Variants in FOXP4 observed in about 807,000 individuals in gnomAD.
The protein encoded by FOXP4 is forkhead box protein P4.
FOXP4 carries 25 observed loss-of-function variants against 82.6 expected under a neutral mutation model. The ratio of observed to expected loss-of-function variants is 0.30; its 90% CI spans 0.22 to 0.42. The LOEUF (loss-of-function observed/expected upper bound fraction) is 0.42, where lower values mean the gene tolerates loss of function less well. Ranked by LOEUF, FOXP4 falls within the 10% of genes least tolerant of loss-of-function variation. FOXP4 has a pLI of 1.00. For synonymous variants in FOXP4, 415 were observed against 388.2 expected, an observed-to-expected ratio of 1.07 and a Z score of -0.81; for missense variants, 785 against 900.9, an observed-to-expected ratio of 0.87 and a Z score of 1.65.
At position 41,594,719 on chromosome 6, in the gene FOXP4, G is replaced by A. The variant is rs1197454922; in HGVS notation, c.1537-151G>A. 2.6e-5 allele frequency: 31 copies of A among 1,197,576 alleles called. No homozygotes were observed. The Admixed American group carries it at 5.3e-4, about 21-fold the overall frequency. 74.2% of individuals were successfully genotyped at this position (1,197,576 alleles called of 1,614,324 possible). A position where few individuals can be genotyped will look rare whatever the true frequency, so the allele number is the denominator to read the frequency against. ...TAGGGGCCCGCCTTCCCTTTGGCTG[G>A]GTCTCCTCCCAGCCCACCCCCCTCC... On this transcript the variant is annotated intron_variant, in intron 13 of 16. Transcript: ENST00000307972.
intron 13 of FOXP4, among the ~76,000 whole-genome samples, chr6:41,594,651 T>C (rs1301629275): frequency 6.6e-6 from 1 of 152,148 alleles, no homozygotes; most frequent in East Asian, 1.9e-4. Flanking sequence ...AAATGGGTCA[T>C]CCATGGTGAA....
intron 13 of FOXP4, among the ~76,000 whole-genome samples, chr6:41,592,111 CG>C (rs1287377162): frequency 6.6e-6 from 1 of 152,016 alleles, no homozygotes; most frequent in Non-Finnish European, 1.5e-5. Flanking sequence ...AGGTTAGACG[CG>C]GGGAAGGACT....
At chr6:41,597,295 C>G in intron 15 of FOXP4, 53 bp downstream of exon 15, 2 of 1,580,752 alleles carry the variant, frequency 1.3e-6, no homozygotes, top group South Asian at 2.2e-5. Flanking sequence ...CCCTTGCTTT[C>G]TCATACAAGA....
chr6:41,590,005 GTC>G lies in FOXP4; in HGVS notation c.1196_1197del (p.Ser399CysfsTer45). The stretch of plus-strand genomic sequence containing the variant: ...CTCCTCCTCATTCTCCAAGGTGACC[GTC>G]TCTGCAGCAGACTCATTCCCAGATG... ...PGSSSFSKVT[V>X]SAADSFPDGL... is the part of the protein sequence containing the mutation. On this transcript the variant is annotated frameshift_variant, in exon 11 of 17. Transcript: ENST00000307972. LOFTEE classifies it high-confidence loss of function. 6.2e-7 allele frequency: 1 copy of G among 1,613,920 alleles called. No homozygotes were observed. The highest frequency in any genetic ancestry group is 8.5e-7 in the Non-Finnish European group (1 of 1,179,978).
intron 14 of FOXP4, among the ~76,000 whole-genome samples, chr6:41,596,184 T>C (rs1163992775): frequency 6.6e-6 from 1 of 152,172 alleles, no homozygotes; most frequent in Non-Finnish European, 1.5e-5. Context: ...AGGCGTGAGC[T>C]ACCGCACCTA....
At chr6:41,583,973 T>C (rs1299545555) in intron 3 of FOXP4, among the ~76,000 whole-genome samples, 1 of 152,226 alleles carries the variant, frequency 6.6e-6, no homozygotes, top group Non-Finnish European at 1.5e-5. Context: ...TTATGTTTTA[T>C]GTTTGAGGAA....
In FOXP4 at chr6:41,574,899, C is replaced by A. The variant is rs184587282; in HGVS notation, c.205-3087C>A. ...CCAGGTAGAAGAAAGCCTTCTCTGA[C>A]CCCTGGCACTCACCCCCACTTCAGG... On this transcript the variant is annotated intron_variant, in intron 2 of 16. Coordinates refer to ENST00000307972, the MANE Select transcript of FOXP4 (RefSeq NM_001012426.2). Among the ~76,000 whole-genome samples, 9 of 152,310 alleles carry A rather than the reference C, an allele frequency of 5.9e-5. No individual in the cohort carries two copies. The East Asian group carries it at 1.7e-3, about 29-fold the overall frequency.
At chr6:41,596,171 T>G (rs942295488) in intron 14 of FOXP4, among the ~76,000 whole-genome samples, 3 of 152,222 alleles carry the variant, frequency 2.0e-5, no homozygotes, top group Non-Finnish European at 4.4e-5. Context: ...ATGCTGGGAT[T>G]ACAGGCGTGA....
intron 4 of FOXP4, 75 bp from the exon 5 acceptor site, chr6:41,585,356 A>T (rs1383509029): frequency 4.8e-6 from 7 of 1,448,580 alleles, no homozygotes; most frequent in Non-Finnish European, 6.6e-6. Context: ...TGCCCCCAGG[A>T]GCCCAGATGG....
rs1763613769 is a variant in FOXP4 at position 41,546,398 on chromosome 6, A to C, written c.-486A>C. The stretch of plus-strand genomic sequence containing the variant: ...TCGCAGCCACTCGCAGCCCAGGCTC[A>C]GTCGCAGCCCCTCGGAGTCCGGAGC... On this transcript the variant is annotated 5_prime_UTR_variant, in exon 1 of 17. Transcript: ENST00000307972. The C allele has an allele frequency of 6.6e-6, 1 of 151,062 alleles. No individual in the cohort carries two copies. The highest frequency in any genetic ancestry group is 1.5e-5 in the Non-Finnish European group (1 of 67,438). 9.4% of individuals were successfully genotyped at this position (151,062 alleles called of 1,614,324 possible).
At chr6:41,569,704 C>G (rs185411388) in intron 2 of FOXP4, among the ~76,000 whole-genome samples, 2 of 152,272 alleles carry the variant, frequency 1.3e-5, no homozygotes, top group East Asian at 3.9e-4. Flanking sequence ...CGTCCTGGGC[C>G]TCTGGAGTGC....
chr6:41,556,711 A>G (rs953510842), intron 1 of FOXP4, among the ~76,000 whole-genome samples: 6 of 152,152 alleles, frequency 3.9e-5, no homozygotes, highest in African/African-American at 7.2e-5. Flanking sequence ...GCCACCTCCT[A>G]CAGAAAGCCT....
At chr6:41,590,477 G>T in intron 12 of FOXP4, 130 bp downstream of exon 12, 1 of 955,650 alleles carries the variant, frequency 1.0e-6, no homozygotes, top group East Asian at 2.5e-5. Flanking sequence ...CTCACGTGGC[G>T]GTCTTCCCTC....
intron 14 of FOXP4, among the ~76,000 whole-genome samples, chr6:41,596,235 G>T (rs142598734): frequency 6.6e-6 from 1 of 152,214 alleles, no homozygotes; most frequent in African/African-American, 2.4e-5. Context: ...AGGAGCCTGG[G>T]ACAGGGTCAG....
intron 2 of FOXP4, among the ~76,000 whole-genome samples, chr6:41,566,807 G>C (rs578234769): frequency 6.6e-6 from 1 of 152,162 alleles, no homozygotes; most frequent in Admixed American, 6.5e-5. Context: ...CTTGAGTGGG[G>C]CAGGGGGCGG....
At chr6:41,572,252 C>T (rs1239843929) in intron 2 of FOXP4, among the ~76,000 whole-genome samples, 1 of 152,134 alleles carries the variant, frequency 6.6e-6, no homozygotes, top group East Asian at 1.9e-4. Context: ...GAAGAGTTGC[C>T]TCCTCCTGAT....
chr6:41,584,934 G>A, intron 4 of FOXP4, 43 bp downstream of exon 4: 1 of 1,562,240 alleles, frequency 6.4e-7, no homozygotes, highest in Non-Finnish European at 8.7e-7. Flanking sequence ...TCCTCTGCCT[G>A]GCCTGGCTCC....
chr6:41,597,376 C>T, intron 15 of FOXP4, 134 bp downstream of exon 15: 1 of 882,736 alleles, frequency 1.1e-6, no homozygotes, highest in East Asian at 2.6e-5. Context: ...CTCTCCGAGA[C>T]CCCACCTCTC....
chr6:41,588,511 CCT>C lies in FOXP4; in HGVS notation c.978-130_978-129del, dbSNP rs1408462189. On this transcript the variant is annotated intron_variant, in intron 8 of 16. Transcript: ENST00000307972. Reference sequence around the variant, plus strand: ...CTTCCTCCATTGCCCCGTTTTTCCACCTCTTTCTCTTCTTTGTATCTCTTGGT... The same window carrying C: ...CTTCCTCCATTGCCCCGTTTTTCCACCTTTCTCTTCTTTGTATCTCTTGGT... 5.8e-6 allele frequency: 5 copies of C among 866,490 alleles called. No homozygotes were observed. In the East Asian group the frequency reaches 7.4e-5, roughly 13 times the overall value. 53.7% of individuals were successfully genotyped at this position (866,490 alleles called of 1,614,324 possible).
Sources: allele counts gnomAD v4.1 joint callset (sites outside exome capture counted in the v4.1 genomes callset), GRCh38; gene constraint gnomAD v4.1.1; transcripts MANE v1.5; gene names NCBI Gene and HGNC (gene_info 2026-07-23, HGNC 2026-07-21).